Variants in CLUH observed in about 807,000 individuals in gnomAD.
CLUH encodes the protein clustered mitochondria protein homolog.
CLUH carries 77 observed loss-of-function variants against 139.3 expected under a neutral mutation model. That is an observed-to-expected ratio of 0.55 (90% confidence interval 0.46 to 0.67). CLUH has a LOEUF of 0.67. CLUH is among the 30% of genes least tolerant of loss of function. The pLI is 0.00. For missense variants in CLUH, 1,876 were observed against 1,875.8 expected (o/e 1.00, Z 0.00); for synonymous variants, 999 against 801.6 (o/e 1.25, Z -4.16).
chr17:2,696,530 G>A lies in CLUH; in HGVS notation c.2194C>T (p.Arg732Trp), dbSNP rs763712121. 159 of 1,570,496 alleles carry A rather than the reference G, an allele frequency of 1.0e-4. 1 individual carries two copies. The highest frequency in any genetic ancestry group is 1.2e-4 in the Non-Finnish European group (138 of 1,162,116). ...IAADDGTADPRSREVIRNACK... is the reference protein window; with the variant it reads ...IAADDGTADPWSREVIRNACK... ...GCGTTGCGGATCACCTCCCGGCTCC[G>A]AGGGTCTGCTGTGGAGACATGGCTC... Residue 732 changes from arginine to tryptophan, a missense_variant, in exon 12 of 26, where the codon CGG (arginine) becomes TGG (tryptophan). Transcript: ENST00000651024.
chr17:2,691,984 GCCACGC>G lies in CLUH; in HGVS notation c.3654+14_3654+19del. On this transcript the variant is annotated intron_variant, in intron 23 of 25. Transcript: ENST00000651024. ...ACGCCCCCGCCCCGCCCCCGCCCCCGCCACGCCCCCGCCGCGCACCTGCGTCTTGTA... is the reference window on the plus strand; with the variant it reads ...ACGCCCCCGCCCCGCCCCCGCCCCCGCCCCGCCGCGCACCTGCGTCTTGTA... The G allele has an allele frequency of 4.1e-5, 20 of 486,864 alleles. 1 individual carries two copies. The highest frequency in any genetic ancestry group is 2.4e-4 in the East Asian group (1 of 4,222). 30.2% of individuals were successfully genotyped at this position (486,864 alleles called of 1,614,324 possible).
At chr17:2,695,352 C>T (rs779149072) in intron 14 of CLUH, 22 bp downstream of exon 14, 3 of 1,613,094 alleles carry the variant, frequency 1.9e-6, no homozygotes, top group Admixed American at 3.3e-5. Flanking sequence ...TCCCGTTCCG[C>T]CCCACCCCGG....
In CLUH at chr17:2,707,552, G is replaced by A. The variant is rs552639158; in HGVS notation, c.101-2988C>T. 1.2e-5 allele frequency: 12 copies of A among 985,400 alleles called. No homozygotes were observed. Among genetic ancestry groups the A allele is most frequent in the South Asian group, 4.7e-5 (1 of 21,290 alleles). 61.0% of individuals were successfully genotyped at this position (985,400 alleles called of 1,614,324 possible). On this transcript the variant is annotated intron_variant, in intron 1 of 25. Coordinates refer to ENST00000651024, the MANE Select transcript of CLUH (RefSeq NM_001366661.1). The surrounding 1 kb of genome is among the most constrained non-coding windows in gnomAD (Gnocchi z 7.4). ...AGAGGGGGTCACTGCCGGCAAAGCCGCTAGGGGGATCGGAGAACCCAGAAT... is the reference window on the plus strand; with the variant it reads ...AGAGGGGGTCACTGCCGGCAAAGCCACTAGGGGGATCGGAGAACCCAGAAT...
Position 2,707,874 on chromosome 17 carries a change from C to G in CLUH, c.101-3310G>C, listed in dbSNP as rs887394304. The G allele has an allele frequency of 6.1e-6, 6 of 985,354 alleles. No homozygotes were observed. The highest frequency in any genetic ancestry group is 7.2e-6 in the Non-Finnish European group (6 of 829,936). 61.0% of individuals were successfully genotyped at this position (985,354 alleles called of 1,614,324 possible). ...GCTGCCAGCCCCTTCCTGGGAGTCACTGGTTCTGGTGGAAGGGAGGGGGAT... is the reference window on the plus strand; with the variant it reads ...GCTGCCAGCCCCTTCCTGGGAGTCAGTGGTTCTGGTGGAAGGGAGGGGGAT... On this transcript the variant is annotated intron_variant, in intron 1 of 25. Transcript: ENST00000651024. This position sits in a 1 kb window ranked among gnomAD's most constrained non-coding sequence, Gnocchi z 7.4.
intron 1 of CLUH, among the ~76,000 whole-genome samples, chr17:2,710,448 C>G (rs1231366566): frequency 1.3e-5 from 2 of 152,236 alleles, no homozygotes; most frequent in African/African-American, 4.8e-5. Context: ...CAAGTCAGCC[C>G]TGGCGCACTC....
rs769326051 is a variant in CLUH, at chr17:2,693,842, C to T, written c.3231+58G>A. 1.1e-3 allele frequency: 1,699 copies of T among 1,547,578 alleles called. 1 individual carries two copies. Among genetic ancestry groups the T allele is most frequent in the Non-Finnish European group, 1.2e-3 (1,430 of 1,146,172 alleles). ...CACCCACTCCTCCGTCAGGGGCCCC[C>T]TCACTCCCCATCCCCCAACACGAGG... On this transcript the variant is annotated intron_variant, in intron 19 of 25. Transcript: ENST00000651024.
chr17:2,691,518 G>A (rs1345636456), intron 25 of CLUH, 91 bp downstream of exon 25: 14 of 1,303,188 alleles, frequency 1.1e-5, no homozygotes, highest in East Asian at 5.0e-5. Context: ...CCGGGATGGC[G>A]CCGCCGCACT....
chr17:2,690,128 CG>C lies in CLUH; in HGVS notation c.*465del. ...CCTGAACTTTCAGACAGGCTGGGCC[CG>C]GGGGTGGTGGCAGCCAAAGCAGCAG... is the stretch of plus-strand genomic sequence containing the variant. On this transcript the variant is annotated 3_prime_UTR_variant, in exon 26 of 26. Transcript: ENST00000651024. The C allele has an allele frequency of 6.4e-6, 1 of 156,516 alleles. No individual in the cohort carries two copies. Among genetic ancestry groups the C allele is most frequent in the Non-Finnish European group, 1.4e-5 (1 of 70,872 alleles). 9.7% of individuals were successfully genotyped at this position (156,516 alleles called of 1,614,324 possible). A position where few individuals can be genotyped will look rare whatever the true frequency, so the allele number is the denominator to read the frequency against.
chr17:2,702,499 G>T (rs1357793808), intron 3 of CLUH, among the ~76,000 whole-genome samples: 1 of 152,214 alleles, frequency 6.6e-6, no homozygotes, highest in Non-Finnish European at 1.5e-5. Context: ...CCCCTATGTG[G>T]TTTCATGGGA....
rs774014694 is a variant in CLUH, at chr17:2,691,962, C to CCCCCG, written c.3654+37_3654+41dup. On this transcript the variant is annotated intron_variant, in intron 23 of 25. Coordinates refer to ENST00000651024, the MANE Select transcript of CLUH (RefSeq NM_001366661.1). Reference sequence around the variant, plus strand: ...GCGGCCCCGCCCCCGCCCCGCCACGCCCCCGCCCCGCCCCCGCCCCCGCCA... The same window carrying CCCCCG: ...GCGGCCCCGCCCCCGCCCCGCCACGCCCCCGCCCCGCCCCGCCCCCGCCCCCGCCA... 156 of 672,624 alleles carry CCCCCG rather than the reference C, an allele frequency of 2.3e-4. 1 individual carries two copies. The highest frequency in any genetic ancestry group is 8.1e-4 in the East Asian group (10 of 12,422). The allele number at this position is 672,624 out of a possible 1,614,324, so 41.7% of individuals were successfully genotyped here.
intron 7 of CLUH, 122 bp from the exon 8 acceptor site, chr17:2,700,947 C>T (rs2070155414): frequency 7.0e-7 from 1 of 1,436,030 alleles, no homozygotes; most frequent in Non-Finnish European, 9.2e-7. Context: ...TGCCCTGGAG[C>T]CAGATGGAAG....
Position 2,701,877 on chromosome 17 carries a change from C to A in CLUH, c.619+37G>T, listed in dbSNP as rs371720667. ...AGCCCCCCACCTCCGTGCTCCCCGCCCTTTGGCCCAATCCCCGGCCCCAGT... is the reference window on the plus strand; with the variant it reads ...AGCCCCCCACCTCCGTGCTCCCCGCACTTTGGCCCAATCCCCGGCCCCAGT... On this transcript the variant is annotated intron_variant, in intron 4 of 25. Transcript: ENST00000651024. The A allele has an allele frequency of 6.9e-5, 111 of 1,611,920 alleles. No homozygotes were observed. In the African/African-American group the frequency reaches 1.4e-3, roughly 21 times the overall value.
intron 1 of CLUH, among the ~76,000 whole-genome samples, chr17:2,710,322 T>C (rs564081683): frequency 2.0e-5 from 3 of 152,334 alleles, no homozygotes; most frequent in South Asian, 2.1e-4. Flanking sequence ...TGCCCAAACC[T>C]TGGCCTTGTC....
rs755760596 is a variant in CLUH at position 2,696,529 on chromosome 17, C to G, written c.2195G>C (p.Arg732Pro). The G allele has an allele frequency of 1.3e-6, 2 of 1,570,506 alleles. No individual in the cohort carries two copies. Among genetic ancestry groups the G allele is most frequent in the Admixed American group, 3.7e-5 (2 of 54,094 alleles). Residue 732 changes from arginine (R) to proline (P), a missense_variant, in exon 12 of 26, where the codon CGG becomes CCG. Around this residue, in one of 3 missense-constraint regions of CLUH, gnomAD observed 1,454 missense variants for 1,384.4 expected, o/e 1.05. Transcript: ENST00000651024. ...CGCGTTGCGGATCACCTCCCGGCTC[C>G]GAGGGTCTGCTGTGGAGACATGGCT... ...IAADDGTADP[R>P]SREVIRNACK... is the part of the protein sequence containing the mutation.
chr17:2,701,395 G>C lies in CLUH; in HGVS notation c.870C>G (p.Thr290=), dbSNP rs375026335. Residue 290 remains threonine, a synonymous_variant, in exon 6 of 26, where the codon ACC becomes ACG. Transcript: ENST00000651024. ...ITAEDRQVSI[T]ASTRGFYLNQ... is the part of the protein sequence containing the mutation. Reference sequence around the variant, plus strand: ...TCAGGTAAAAGCCCCGTGTGGACGCGGTGATGCTGACTTGCCGGTCCTCGG... The same window carrying C: ...TCAGGTAAAAGCCCCGTGTGGACGCCGTGATGCTGACTTGCCGGTCCTCGG... 14 of 1,609,758 alleles carry C rather than the reference G, an allele frequency of 8.7e-6. No homozygotes were observed. The East Asian group carries it at 2.0e-4, about 23-fold the overall frequency.
chr17:2,705,641 C>T (rs2070328916), intron 1 of CLUH, among the ~76,000 whole-genome samples: 1 of 152,204 alleles, frequency 6.6e-6, no homozygotes, highest in East Asian at 1.9e-4. Context: ...CTCCCTCCCC[C>T]TTTCATTCCC....
chr17:2,701,461 C>G lies in CLUH; in HGVS notation c.804G>C (p.Arg268=). The G allele has an allele frequency of 6.2e-7, 1 of 1,613,818 alleles. No homozygotes were observed. Among genetic ancestry groups the G allele is most frequent in the Non-Finnish European group, 8.5e-7 (1 of 1,179,842 alleles). The change falls in exon 6 of 26, where the codon CGG becomes CGC. Residue 268 remains arginine, a synonymous_variant. Transcript: ENST00000651024. ...GGTACATGAGGTCCCCGTGCATCTT[C>G]CGGTTCCCCGGGGGCGGGTTCCATC... is the stretch of plus-strand genomic sequence containing the variant. The part of the protein sequence containing the change: ...MSGWNPPPGN[R]KMHGDLMYLF...
At chr17:2,691,539 T>A in intron 25 of CLUH, 70 bp downstream of exon 25, 1 of 1,477,256 alleles carries the variant, frequency 6.8e-7, no homozygotes, top group Non-Finnish European at 9.3e-7. Flanking sequence ...CCAGCCCGGG[T>A]GACAGGGCGA....
In CLUH at chr17:2,694,946, A is replaced by T; in HGVS notation, c.2763T>A (p.Asp921Glu). The T allele has an allele frequency of 6.2e-7, 1 of 1,610,716 alleles. No homozygotes were observed. Among genetic ancestry groups the T allele is most frequent in the African/African-American group, 1.3e-5 (1 of 74,932 alleles). Residue 921 changes from aspartate to glutamate, a missense_variant, in exon 16 of 26, where the codon GAT (aspartate) becomes GAA (glutamate). This residue lies in a region of CLUH where 1,454 missense variants were observed against 1,384.4 expected (regional missense o/e 1.05). Coordinates refer to ENST00000651024, the MANE Select transcript of CLUH (RefSeq NM_001366661.1). The part of the protein sequence containing the change: ...RRKNRPPGAA[D>E]NTAWAVMTPQ... ...GGGTCATGACAGCCCAGGCTGTGTTATCTGCAGCCCCCGGGGGCCGGTTTT... is the reference window on the plus strand; with the variant it reads ...GGGTCATGACAGCCCAGGCTGTGTTTTCTGCAGCCCCCGGGGGCCGGTTTT...
Sources: gnomAD v4.1 joint callset for allele counts (sites outside exome capture counted in the v4.1 genomes callset) on GRCh38, gnomAD v4.1.1 for gene constraint, gnomAD v4.1.1 regional missense constraint, Gnocchi (gnomAD v3.1) non-coding constraint, MANE v1.5 for transcripts, NCBI Gene and HGNC (gene_info 2026-07-23, HGNC 2026-07-21) for gene names.